Variants in RADX observed in about 807,000 individuals in gnomAD.
RADX encodes the protein RPA1 related single stranded DNA binding protein, X-linked, also known as RPA-related protein RADX.
Under a neutral mutation model 61.6 loss-of-function variants are expected in RADX, and 36 were observed. The observed-to-expected ratio is 0.58, with a 90% CI of 0.45 to 0.77. The LOEUF is 0.77. Among genes scored for constraint, RADX ranks in the 30% least tolerant of loss-of-function variants. RADX has a pLI of 0.00. For missense variants in RADX, 497 were observed against 651.1 expected (o/e 0.76, Z 2.58); for synonymous variants, 272 against 237.9 (o/e 1.14, Z -1.32).
At chrX:106,638,071 G>A (rs758511109) in intron 8 of RADX, 147 bp downstream of exon 8, 2 of 463,994 alleles carry the variant, frequency 4.3e-6, no homozygotes, top group Non-Finnish European at 7.3e-6. Context: ...TTGTCTTAAT[G>A]CAGATCTAAA....
chrX:106,639,506 T>C, intron 8 of RADX, 21 bp from the exon 9 acceptor site: 1 of 1,154,306 alleles, frequency 8.7e-7, no homozygotes, highest in Non-Finnish European at 1.2e-6. Context: ...AAACTTACAA[T>C]TTTCTTGGAC....
rs768220576 is a variant in RADX, at chrX:106,637,679, T to C, written c.1409-81T>C. On this transcript the variant is annotated intron_variant, in intron 7 of 13. Transcript: ENST00000372548. ...GGGATTGTTTTAATAGTAAACTGTT[T>C]TTACACAAAAATTTGCATACAGATT... The C allele has an allele frequency of 1.2e-5, 11 of 892,055 alleles. No homozygotes were observed. The Admixed American group carries it at 2.0e-4, about 16-fold the overall frequency. 73.5% of individuals were successfully genotyped at this position (892,055 alleles called of 1,213,427 possible).
At chrX:106,629,721 T>G (rs947943812) in intron 3 of RADX, among the ~76,000 whole-genome samples, 7 of 110,914 alleles carry the variant, frequency 6.3e-5, no homozygotes, top group Non-Finnish European at 1.1e-4. Context: ...CAAACAAGAA[T>G]AGTATGAAGG....
At chrX:106,655,603 G>T (rs1927921297) in intron 11 of RADX, among the ~76,000 whole-genome samples, 1 of 109,371 alleles carries the variant, frequency 9.1e-6, no homozygotes, top group African/African-American at 3.3e-5. Context: ...TTGGTTTTCT[G>T]CCCTTGGGAT....
chrX:106,644,092 TAGAGA>T lies in RADX; in HGVS notation c.1904+3374_1904+3378del, dbSNP rs200130914. On this transcript the variant is annotated intron_variant, in intron 10 of 13. Coordinates refer to ENST00000372548, the MANE Select transcript of RADX (RefSeq NM_018015.6). ...TTTTTCACATTTTTCACTTTTGGCATAGAGAAGTGCTTCTGATTTTTGTATGTTGA... is the reference window on the plus strand; with the variant it reads ...TTTTTCACATTTTTCACTTTTGGCATAGTGCTTCTGATTTTTGTATGTTGA... Among the ~76,000 whole-genome samples the T allele has an allele frequency of 9.5e-3, 1,060 of 111,749 alleles. 15 individuals are homozygous for T. Among genetic ancestry groups the T allele is most frequent in the African/African-American group, 0.032 (989 of 30,854 alleles).
intron 1 of RADX, among the ~76,000 whole-genome samples, chrX:106,613,654 T>TA (rs768668942): frequency 5.4e-5 from 6 of 111,929 alleles, no homozygotes; most frequent in Non-Finnish European, 1.1e-4. Context: ...AACTTGAAAG[T>TA]AAAAGAATAA....
At chrX:106,624,483 T>C (rs982910782) in intron 2 of RADX, among the ~76,000 whole-genome samples, 1 of 111,744 alleles carries the variant, frequency 8.9e-6, no homozygotes, top group African/African-American at 3.3e-5. Flanking sequence ...GGAAAATTAT[T>C]TATCCTTTTA....
chrX:106,670,043 G>T (rs1928327026), intron 13 of RADX, among the ~76,000 whole-genome samples: 1 of 111,585 alleles, frequency 9.0e-6, no homozygotes, highest in African/African-American at 3.3e-5. Context: ...ATTTTGTGGT[G>T]GGTCTTTCTA....
chrX:106,673,847 T>A (rs1470122508), intron 13 of RADX, among the ~76,000 whole-genome samples: 3 of 111,022 alleles, frequency 2.7e-5, no homozygotes, highest in African/African-American at 9.9e-5. Flanking sequence ...CTGCTGGGAT[T>A]AGTGATTCCT....
At chrX:106,641,431 T>G (rs1927511870) in intron 10 of RADX, among the ~76,000 whole-genome samples, 1 of 110,995 alleles carries the variant, frequency 9.0e-6, no homozygotes, top group African/African-American at 3.3e-5. Context: ...ATCATGGTGA[T>G]TTATCCTGGG....
At chrX:106,676,243 C>A (rs1014996238) in intron 13 of RADX, among the ~76,000 whole-genome samples, 1 of 112,339 alleles carries the variant, frequency 8.9e-6, no homozygotes, top group African/African-American at 3.2e-5. Flanking sequence ...ATTTAGTGAA[C>A]TTATACAATT....
At chrX:106,647,511 AG>A (rs1054300320) in intron 10 of RADX, among the ~76,000 whole-genome samples, 1 of 110,884 alleles carries the variant, frequency 9.0e-6, no homozygotes, top group Non-Finnish European at 1.9e-5. Context: ...TATACCAAGC[AG>A]GGGGGATGCT....
chrX:106,614,972 C>T (rs1286654158), intron 1 of RADX, among the ~76,000 whole-genome samples: 2 of 111,433 alleles, frequency 1.8e-5, no homozygotes, highest in Non-Finnish European at 3.8e-5. Flanking sequence ...CCCCAAAAGT[C>T]TCCCTCATGC....
At chrX:106,664,509 C>T (rs1159184849) in intron 12 of RADX, among the ~76,000 whole-genome samples, 4 of 111,601 alleles carry the variant, frequency 3.6e-5, no homozygotes, top group East Asian at 2.8e-4. Flanking sequence ...ATAGTTGCTT[C>T]GTGCATCAAC....
intron 13 of RADX, among the ~76,000 whole-genome samples, chrX:106,676,948 A>G (rs774364779): frequency 1.8e-5 from 2 of 111,717 alleles, no homozygotes; most frequent in South Asian, 7.6e-4. Context: ...TACACCACAT[A>G]TATCTTTTCT....
At chrX:106,632,090 A>T (rs1419365413) in intron 3 of RADX, among the ~76,000 whole-genome samples, 3 of 111,962 alleles carry the variant, frequency 2.7e-5, no homozygotes, top group Non-Finnish European at 5.6e-5. Flanking sequence ...ACATACAAAA[A>T]TTTTTAAACA....
At chrX:106,640,887 T>A (rs967975775) in intron 10 of RADX, among the ~76,000 whole-genome samples, 166 bp downstream of exon 10, 1 of 111,178 alleles carries the variant, frequency 9.0e-6, no homozygotes, top group Non-Finnish European at 1.9e-5. Flanking sequence ...GTCTCAGAGT[T>A]CTGGAGGATA....
chrX:106,621,927 T>C (rs1229854230), intron 1 of RADX, among the ~76,000 whole-genome samples: 1 of 76,746 alleles, frequency 1.3e-5, no homozygotes, highest in Non-Finnish European at 2.1e-5. Flanking sequence ...ATTCTATGGT[T>C]TTTTTTTTTT....
rs1366493648 is a variant in RADX at position 106,653,459 on chromosome X, TA to T, written c.1978+5081del. 7.2e-5 allele frequency among the ~76,000 whole-genome samples: 8 copies of T among 110,628 alleles called. No individual in the cohort carries two copies. The South Asian group carries it at 2.3e-3, about 32-fold the overall frequency. Reference sequence around the variant, plus strand: ...ATATTGTAGACCTTGGAGAAAACACTAAAAAAAAGTGTAGCTAATCAATAGC... The same window carrying T: ...ATATTGTAGACCTTGGAGAAAACACTAAAAAAAGTGTAGCTAATCAATAGC... On this transcript the variant is annotated intron_variant, in intron 11 of 13. Coordinates refer to ENST00000372548, the MANE Select transcript of RADX (RefSeq NM_018015.6).
Sources: allele counts gnomAD v4.1 joint callset (sites outside exome capture counted in the v4.1 genomes callset), GRCh38; gene constraint gnomAD v4.1.1; transcripts MANE v1.5; gene names NCBI Gene and HGNC (gene_info 2026-07-23, HGNC 2026-07-21).